The following BABAM2 variants were observed in gnomAD, a reference collection of about 807,000 sequenced individuals.
The protein encoded by BABAM2 is BRISC and BRCA1 A complex member 2.
Under a neutral mutation model 54.7 loss-of-function variants are expected in BABAM2, and 31 were observed. The observed-to-expected ratio is 0.57, with a 90% CI of 0.43 to 0.77. The LOEUF is 0.77. Among genes scored for constraint, BABAM2 ranks in the 30% least tolerant of loss-of-function variants. The pLI is 0.00. For missense variants in BABAM2, 364 were observed against 455.8 expected, an observed-to-expected ratio of 0.80 and a Z score of 1.83; for synonymous variants, 167 against 162.9, an observed-to-expected ratio of 1.03 and a Z score of -0.19.
chr2:28,265,343 C>A (rs1197315408), intron 10 of BABAM2, among the ~76,000 whole-genome samples: 1 of 152,198 alleles, frequency 6.6e-6, no homozygotes, highest in Non-Finnish European at 1.5e-5. Flanking sequence ...AGGAGAATCA[C>A]TTGAACACGG....
intron 9 of BABAM2, among the ~76,000 whole-genome samples, chr2:28,242,397 G>A (rs1021514044): frequency 7.2e-5 from 11 of 152,200 alleles, no homozygotes; most frequent in African/African-American, 2.7e-4. Context: ...CTGCCCTGCA[G>A]CCCTGTTTCC....
chr2:28,222,361 T>G (rs573042973), intron 7 of BABAM2, among the ~76,000 whole-genome samples: 7 of 152,258 alleles, frequency 4.6e-5, no homozygotes, highest in Admixed American at 2.0e-4. Context: ...CTCACCGAAG[T>G]CCCATTTGCC....
intron 4 of BABAM2, among the ~76,000 whole-genome samples, chr2:28,007,252 A>G (rs1339976117): frequency 6.6e-6 from 1 of 152,094 alleles, no homozygotes; most frequent in Non-Finnish European, 1.5e-5. Flanking sequence ...GGATGCATAT[A>G]TATGTGTGGC....
At chr2:28,272,114 G>A (rs1048178292) in intron 10 of BABAM2, among the ~76,000 whole-genome samples, 4 of 152,150 alleles carry the variant, frequency 2.6e-5, no homozygotes, top group Non-Finnish European at 5.9e-5. Flanking sequence ...TTGGAGGCTG[G>A]GAATGATGAA....
intron 7 of BABAM2, among the ~76,000 whole-genome samples, chr2:28,152,220 G>A (rs1672121720): frequency 6.6e-6 from 1 of 152,150 alleles, no homozygotes; most frequent in Non-Finnish European, 1.5e-5. Context: ...AGAATGAAGA[G>A]CCATGTGCCT....
chr2:28,001,885 T>A (rs1366921117), intron 4 of BABAM2, among the ~76,000 whole-genome samples: 1 of 151,916 alleles, frequency 6.6e-6, no homozygotes, highest in Non-Finnish European at 1.5e-5. Flanking sequence ...ACCTCCAACA[T>A]TGGGAGTTAG....
chr2:28,045,808 A>G lies in BABAM2; in HGVS notation c.570+9A>G. On this transcript the variant is annotated intron_variant, in intron 6 of 11. Transcript: ENST00000379624. The stretch of plus-strand genomic sequence containing the variant: ...CCACATACCTTCTCAAGGTAAAAAT[A>G]TATGATTTTCAGTATGAGAATATAA... 1 of 1,597,648 alleles carries G rather than the reference A, an allele frequency of 6.3e-7. No homozygotes were observed. Among genetic ancestry groups the G allele is most frequent in the East Asian group, 2.2e-5 (1 of 44,724 alleles).
chr2:28,201,605 C>T (rs17709034), intron 7 of BABAM2, among the ~76,000 whole-genome samples: 13,048 of 152,028 alleles, frequency 0.086, 701 homozygotes, highest in Non-Finnish European at 0.12. Flanking sequence ...TGCTTAAAAG[C>T]TCTTCTGTTG....
At chr2:28,148,717 G>A (rs1390116560) in intron 7 of BABAM2, among the ~76,000 whole-genome samples, 3 of 152,096 alleles carry the variant, frequency 2.0e-5, no homozygotes, top group African/African-American at 7.2e-5. Context: ...AGACATGCAG[G>A]GCAAACAAGA....
At chr2:28,137,248 G>A (rs879366769) in intron 7 of BABAM2, among the ~76,000 whole-genome samples, 1 of 152,156 alleles carries the variant, frequency 6.6e-6, no homozygotes, top group Admixed American at 6.5e-5. Flanking sequence ...GTTTTCTCGA[G>A]TCACTGAGAT....
chr2:28,078,037 G>T (rs1170461055), intron 6 of BABAM2, among the ~76,000 whole-genome samples: 1 of 151,986 alleles, frequency 6.6e-6, no homozygotes, highest in African/African-American at 2.4e-5. Flanking sequence ...GAAAATTCCA[G>T]AAATTAATAA....
intron 7 of BABAM2, among the ~76,000 whole-genome samples, chr2:28,183,859 A>AT (rs1294350084): frequency 5.3e-5 from 8 of 151,858 alleles, no homozygotes; most frequent in Non-Finnish European, 7.4e-5. Context: ...TGTCCTGTTT[A>AT]TGTTTGTGTA....
chr2:28,029,352 C>A (rs566092569), intron 5 of BABAM2, among the ~76,000 whole-genome samples: 1 of 152,286 alleles, frequency 6.6e-6, no homozygotes, highest in South Asian at 2.1e-4. Flanking sequence ...AGCCATTAAA[C>A]ACTAATTCCT....
At chr2:28,107,183 C>G (rs1667599629) in intron 6 of BABAM2, among the ~76,000 whole-genome samples, 1 of 152,098 alleles carries the variant, frequency 6.6e-6, no homozygotes, top group African/African-American at 2.4e-5. Flanking sequence ...GCTCTGACAC[C>G]CTGCACCAAG....
At chr2:28,040,046 A>G (rs1223929184) in intron 5 of BABAM2, among the ~76,000 whole-genome samples, 1 of 152,132 alleles carries the variant, frequency 6.6e-6, no homozygotes, top group African/African-American at 2.4e-5. Context: ...TGTGAAAGCA[A>G]TCTTTGACAT....
intron 10 of BABAM2, among the ~76,000 whole-genome samples, chr2:28,295,993 C>T (rs763960550): frequency 2.0e-5 from 3 of 152,126 alleles, no homozygotes; most frequent in Admixed American, 6.5e-5. Flanking sequence ...CCTGTAATCC[C>T]GGCTACTTGG....
intron 5 of BABAM2, among the ~76,000 whole-genome samples, chr2:28,040,650 A>G (rs891669840): frequency 1.3e-5 from 2 of 152,192 alleles, no homozygotes; most frequent in African/African-American, 4.8e-5. Flanking sequence ...GTGCTGTCAG[A>G]AACAAGTGCT....
intron 7 of BABAM2, among the ~76,000 whole-genome samples, chr2:28,135,822 A>C (rs10201415): frequency 6.6e-6 from 1 of 152,126 alleles, no homozygotes; most frequent in Non-Finnish European, 1.5e-5. Flanking sequence ...CATGCCTACT[A>C]TCATTACCTA....
At chr2:28,101,479 C>T (rs1274818962) in intron 6 of BABAM2, among the ~76,000 whole-genome samples, 1 of 152,114 alleles carries the variant, frequency 6.6e-6, no homozygotes, top group African/African-American at 2.4e-5. Context: ...TTTTAATGCT[C>T]CTCTGCCTAG....
Sources: gnomAD v4.1 joint callset for allele counts (sites outside exome capture counted in the v4.1 genomes callset) on GRCh38, gnomAD v4.1.1 for gene constraint, MANE v1.5 for transcripts, NCBI Gene and HGNC (gene_info 2026-07-23, HGNC 2026-07-21) for gene names.